The following SPECC1L variants were observed in gnomAD, a reference collection of about 807,000 sequenced individuals.
SPECC1L encodes the protein cytospin-A.
A neutral mutation model predicts 116.8 loss-of-function variants in SPECC1L; 40 were observed. That is an observed-to-expected ratio of 0.34 (90% CI 0.27 to 0.45). SPECC1L has a LOEUF of 0.45. Ranked by LOEUF, SPECC1L falls within the 20% of genes least tolerant of loss-of-function variation. SPECC1L has a pLI of 1.00. For missense variants in SPECC1L, 1,110 were observed against 1,373.6 expected (o/e 0.81, Z 3.03); for synonymous variants, 504 against 500.6 (o/e 1.01, Z -0.09).
intron 9 of SPECC1L, among the ~76,000 whole-genome samples, chr22:24,337,498 T>G (rs2041084863): frequency 6.6e-6 from 1 of 152,092 alleles, no homozygotes; most frequent in African/African-American, 2.4e-5. Flanking sequence ...TGTAACTAGG[T>G]AGAGGTGATG....
intron 11 of SPECC1L, among the ~76,000 whole-genome samples, chr22:24,355,522 A>G (rs1167885266): frequency 6.6e-6 from 1 of 151,990 alleles, no homozygotes; most frequent in Non-Finnish European, 1.5e-5. Context: ...CTGCCTGTCT[A>G]TCAAAAACTG....
chr22:24,373,023 C>G (rs1024439680), intron 14 of SPECC1L, among the ~76,000 whole-genome samples: 44 of 152,272 alleles, frequency 2.9e-4, no homozygotes, highest in Middle Eastern at 3.4e-3. Context: ...CTCCCATTCA[C>G]AATTGCTTCA....
intron 2 of SPECC1L, among the ~76,000 whole-genome samples, chr22:24,282,167 A>G (rs1035499158): frequency 6.6e-6 from 1 of 152,216 alleles, no homozygotes; most frequent in Non-Finnish European, 1.5e-5. Flanking sequence ...CAGCTGATCC[A>G]TCAAGTGCAG....
chr22:24,335,070 G>A (rs1326223355), intron 9 of SPECC1L, among the ~76,000 whole-genome samples: 1 of 152,096 alleles, frequency 6.6e-6, no homozygotes, highest in Non-Finnish European at 1.5e-5. Flanking sequence ...CAAAAGTCTG[G>A]GGATCTTCCT....
chr22:24,286,953 A>G (rs1292214158), intron 2 of SPECC1L, among the ~76,000 whole-genome samples: 1 of 152,238 alleles, frequency 6.6e-6, no homozygotes, highest in African/African-American at 2.4e-5. Flanking sequence ...TTTCAGATAA[A>G]TAGTGATGAC....
chr22:24,312,057 C>T (rs1001452483), intron 3 of SPECC1L, among the ~76,000 whole-genome samples: 1 of 152,074 alleles, frequency 6.6e-6, no homozygotes, highest in African/African-American at 2.4e-5. Flanking sequence ...CAGCTTTGAC[C>T]TCCCGGGCTC....
rs1433461267 is a variant in SPECC1L at position 24,322,719 on chromosome 22, A to T, written c.1739A>T (p.Lys580Met). The T allele has an allele frequency of 6.3e-7, 1 of 1,592,212 alleles. No homozygotes were observed. The highest frequency in any genetic ancestry group is 1.1e-5 in the South Asian group (1 of 87,482). ...GACCAGATAGAGATGAATCGCCTGAAGGCTCAGCTGGAGAATGAAAAGCAG... is the reference window on the plus strand; with the variant it reads ...GACCAGATAGAGATGAATCGCCTGATGGCTCAGCTGGAGAATGAAAAGCAG... ...ASDQIEMNRL[K>M]AQLENEKQKV... Residue 580 changes from lysine (K) to methionine (M), a missense_variant, in exon 5 of 17, where the codon AAG becomes ATG. By Grantham distance (95) the Lys-to-Met change is moderately conservative. Transcript: ENST00000314328.
At chr22:24,394,865 C>G (rs1200214728) in intron 14 of SPECC1L, among the ~76,000 whole-genome samples, 1 of 152,212 alleles carries the variant, frequency 6.6e-6, no homozygotes, top group South Asian at 2.1e-4. Flanking sequence ...GGGTCTCACT[C>G]TGTCACCCAG....
At chr22:24,291,984 T>C (rs1389660177) in intron 2 of SPECC1L, among the ~76,000 whole-genome samples, 2 of 152,164 alleles carry the variant, frequency 1.3e-5, no homozygotes, top group Non-Finnish European at 2.9e-5. Context: ...GGGGAAAAGA[T>C]TCTAATGGAG....
chr22:24,398,175 A>G (rs1477668252), intron 14 of SPECC1L, among the ~76,000 whole-genome samples: 1 of 152,226 alleles, frequency 6.6e-6, no homozygotes, highest in Admixed American at 6.5e-5. Context: ...CTTGTGTTTC[A>G]CACTTTTGTG....
intron 10 of SPECC1L, among the ~76,000 whole-genome samples, chr22:24,339,645 G>T (rs1204267922): frequency 6.6e-6 from 1 of 152,260 alleles, no homozygotes; most frequent in Non-Finnish European, 1.5e-5. Flanking sequence ...AGCCCTGGCT[G>T]CACCTCTTCC....
At chr22:24,395,403 A>G (rs544853423) in intron 14 of SPECC1L, among the ~76,000 whole-genome samples, 74 of 152,276 alleles carry the variant, frequency 4.9e-4, no homozygotes, top group African/African-American at 1.8e-3. Flanking sequence ...CACCTTGAAA[A>G]CAGCCTGGTC....
intron 4 of SPECC1L, among the ~76,000 whole-genome samples, chr22:24,319,156 A>G (rs1187436845): frequency 2.0e-5 from 3 of 152,164 alleles, no homozygotes; most frequent in African/African-American, 7.2e-5. Flanking sequence ...GTATTAGTCC[A>G]TTCTCATGCT....
chr22:24,292,826 A>G (rs1485740166), intron 2 of SPECC1L, among the ~76,000 whole-genome samples: 1 of 152,218 alleles, frequency 6.6e-6, no homozygotes, highest in Non-Finnish European at 1.5e-5. Flanking sequence ...TAGATTGAAG[A>G]CAGCACTTGT....
At chr22:24,291,847 G>A (rs1044240208) in intron 2 of SPECC1L, among the ~76,000 whole-genome samples, 2 of 152,088 alleles carry the variant, frequency 1.3e-5, no homozygotes, top group Non-Finnish European at 2.9e-5. Context: ...TACGTGGTTG[G>A]GCAGTCTCCT....
At chr22:24,315,194 C>T (rs1056370849) in intron 4 of SPECC1L, among the ~76,000 whole-genome samples, 1 of 152,258 alleles carries the variant, frequency 6.6e-6, no homozygotes. Context: ...CTACTGTCTT[C>T]ATTTTTGCTT....
At chr22:24,317,124 T>C (rs1164997872) in intron 4 of SPECC1L, among the ~76,000 whole-genome samples, 664 of 60,442 alleles carry the variant, frequency 0.011, 43 homozygotes, top group African/African-American at 0.038. Flanking sequence ...GGCGGCTGGC[T>C]GGGCGGGGGG....
chr22:24,302,128 G>T (rs997723648), intron 2 of SPECC1L, 67 bp from the exon 3 acceptor site: 37 of 1,274,718 alleles, frequency 2.9e-5, no homozygotes, highest in Non-Finnish European at 3.8e-5. Flanking sequence ...AAAATTCTTC[G>T]AAAACAAATT....
Position 24,369,318 on chromosome 22 carries a change from C to CA in SPECC1L, c.3086dup (p.Asn1030GlufsTer3). 1 of 1,610,134 alleles carries CA rather than the reference C, an allele frequency of 6.2e-7. No individual in the cohort carries two copies. The highest frequency in any genetic ancestry group is 8.5e-7 in the Non-Finnish European group (1 of 1,176,368). ...GTGTCAGAAGAAAACAGAAGGCTAT[C>CA]AGGTAATCATATGATTCTTTTGTCC... On this transcript the variant is annotated frameshift_variant and splice_region_variant, in exon 14 of 17. Coordinates refer to ENST00000314328, the MANE Select transcript of SPECC1L (RefSeq NM_015330.6). LOFTEE classifies it high-confidence loss of function.
Sources: gnomAD v4.1 joint callset for allele counts (sites outside exome capture counted in the v4.1 genomes callset) on GRCh38, gnomAD v4.1.1 for gene constraint, MANE v1.5 for transcripts, NCBI Gene and HGNC (gene_info 2026-07-23, HGNC 2026-07-21) for gene names.